ATG3: variants seen among roughly 807,000 people sequenced by gnomAD.
ATG3 encodes ubiquitin-like-conjugating enzyme ATG3.
ATG3 carries 25 observed loss-of-function variants against 50.7 expected under a neutral mutation model. The observed-to-expected ratio is 0.49, with a 90% CI of 0.36 to 0.69. ATG3 has a LOEUF of 0.69. Ranked by LOEUF, ATG3 falls within the 30% of genes least tolerant of loss-of-function variation. The pLI is 0.00. For missense variants in ATG3, 281 were observed against 376.0 expected, an observed-to-expected ratio of 0.75 and a Z score of 2.09; for synonymous variants, 119 against 125.5, an observed-to-expected ratio of 0.95 and a Z score of 0.34.
rs1408630871 is a variant in ATG3, at chr3:112,532,778, T to A, written c.866A>T (p.Tyr289Phe). The A allele has an allele frequency of 3.2e-6, 5 of 1,587,182 alleles. No individual in the cohort carries two copies. The highest frequency in any genetic ancestry group is 3.4e-6 in the Non-Finnish European group (4 of 1,167,626). The change falls in exon 12 of 12, where the codon TAT (tyrosine) becomes TTT (phenylalanine). Residue 289 changes from tyrosine (Y) to phenylalanine (F), a missense_variant and splice_region_variant. By Grantham distance (22) the Tyr-to-Phe change is conservative. Transcript: ENST00000283290. ...TACAAATTTCAAGAAAATAAGAAGA[T>A]ACCTAAAGGTTTTTAGCTAAGGAAA... Reference protein sequence around the residue: ...EGGGELGVHMYLLIFLKFVQA... With the variant: ...EGGGELGVHMFLLIFLKFVQA...
At chr3:112,537,503 A>AAT (rs71631399) in intron 9 of ATG3, 19,119 of 329,964 alleles carry the variant, frequency 0.058, 699 homozygotes, top group Admixed American at 0.12. Context: ...TCAAAAAAGG[A>AAT]ATATGTAATA....
Position 112,541,889 on chromosome 3 carries a change from G to C in ATG3, c.394-5C>G. ...ATCTTGAAGCCTTATATTGTCCTTT[G>C]AAATTAATTATATTTAAAATCACTT... On this transcript the variant is annotated splice_region_variant and splice_polypyrimidine_tract_variant and intron_variant, in intron 6 of 11. Transcript: ENST00000283290. 1 of 1,601,242 alleles carries C rather than the reference G, an allele frequency of 6.2e-7. No homozygotes were observed. Among genetic ancestry groups the C allele is most frequent in the Non-Finnish European group, 8.5e-7 (1 of 1,171,736 alleles).
chr3:112,539,292 T>C (rs1274755491), intron 7 of ATG3, among the ~76,000 whole-genome samples: 3 of 152,170 alleles, frequency 2.0e-5, no homozygotes, highest in African/African-American at 7.2e-5. Flanking sequence ...CAAGACCTTA[T>C]AGAATCTGGT....
chr3:112,545,425 T>C (rs1933345052), intron 5 of ATG3, among the ~76,000 whole-genome samples: 1 of 152,224 alleles, frequency 6.6e-6, no homozygotes, highest in Admixed American at 6.5e-5. Flanking sequence ...AGAAAAAACC[T>C]AAGTACAGAA....
intron 5 of ATG3, among the ~76,000 whole-genome samples, chr3:112,546,447 T>G (rs1933372357): frequency 6.6e-6 from 1 of 152,220 alleles, no homozygotes; most frequent in Non-Finnish European, 1.5e-5. Context: ...ATCATGCTAC[T>G]CCCAACAGTG....
chr3:112,537,063 G>C (rs2933134), intron 9 of ATG3, among the ~76,000 whole-genome samples: 24,024 of 150,200 alleles, frequency 0.16, 4,475 homozygotes, highest in African/African-American at 0.45. Flanking sequence ...AGACTGTTTA[G>C]AATGATTTCT....
At chr3:112,539,821 G>T (rs962960186) in intron 7 of ATG3, among the ~76,000 whole-genome samples, 1 of 151,958 alleles carries the variant, frequency 6.6e-6, no homozygotes, top group African/African-American at 2.4e-5. Flanking sequence ...CTCTATCTAG[G>T]GGGAATATAA....
At chr3:112,559,967 T>C (rs1001877641) in intron 1 of ATG3, among the ~76,000 whole-genome samples, 15 of 152,248 alleles carry the variant, frequency 9.9e-5, no homozygotes, top group African/African-American at 3.6e-4. Context: ...GTAAGGATTC[T>C]CTCTGTAAAC....
At chr3:112,558,587 T>A (rs1276669080) in intron 1 of ATG3, among the ~76,000 whole-genome samples, 170 bp from the exon 2 acceptor site, 2 of 152,178 alleles carry the variant, frequency 1.3e-5, no homozygotes, top group African/African-American at 4.8e-5. Context: ...TCTACCTACC[T>A]CATTGGTATC....
rs1056975800 is a variant in ATG3, at chr3:112,536,731, C to T, written c.667-129G>A. ...GGTCAGGAGATCGAGACCATCCTGG[C>T]TAACATGGTGAAACACCGTCTCTAC... On this transcript the variant is annotated intron_variant, in intron 9 of 11. Transcript: ENST00000283290. The T allele has an allele frequency of 1.7e-5, 16 of 918,594 alleles. No individual in the cohort carries two copies. In the Admixed American group the frequency reaches 4.3e-4, roughly 24 times the overall value. 56.9% of individuals were successfully genotyped at this position (918,594 alleles called of 1,614,324 possible).
At position 112,536,474 on chromosome 3, in the gene ATG3, C is replaced by T. The variant is rs1364932530; in HGVS notation, c.794+1G>A. 2 of 1,612,828 alleles carry T rather than the reference C, an allele frequency of 1.2e-6. No individual in the cohort carries two copies. Among genetic ancestry groups the T allele is most frequent in the African/African-American group, 1.3e-5 (1 of 74,828 alleles). On this transcript the variant is annotated splice_donor_variant, in intron 10 of 11. Transcript: ENST00000283290. LOFTEE classifies it high-confidence loss of function. The stretch of plus-strand genomic sequence containing the variant: ...ATATATTTATCTCTACATATACAGA[C>T]CTGCATGGGTGAACTGAACACATGG...
Position 112,548,080 on chromosome 3 carries a change from G to A in ATG3, c.343+453C>T, listed in dbSNP as rs542580246. Among the ~76,000 whole-genome samples the A allele has an allele frequency of 1.7e-3, 262 of 152,282 alleles. 3 individuals carry two copies. Among genetic ancestry groups the A allele is most frequent in the African/African-American group, 6.0e-3 (248 of 41,556 alleles). On this transcript the variant is annotated intron_variant, in intron 5 of 11. Coordinates refer to ENST00000283290, the MANE Select transcript of ATG3 (RefSeq NM_022488.5). The stretch of plus-strand genomic sequence containing the variant: ...GAAATTTGGCATACTCTGGCCGGGC[G>A]CAGTGGCTCATGCCTGTAATCCTAG...
intron 1 of ATG3, 83 bp downstream of exon 1, chr3:112,561,374 G>A: frequency 1.4e-6 from 2 of 1,433,336 alleles, no homozygotes; most frequent in South Asian, 1.2e-5. Flanking sequence ...CCCCGCCGGA[G>A]AAAGCGGGGA....
In ATG3 at chr3:112,561,642, G is replaced by A; in HGVS notation, c.-114C>T. The A allele has an allele frequency of 3.6e-6, 4 of 1,105,758 alleles. No individual in the cohort carries two copies. In the South Asian group the frequency reaches 4.2e-5, roughly 12 times the overall value. The allele number at this position is 1,105,758 out of a possible 1,614,324, so 68.5% of individuals were successfully genotyped here. A position where few individuals can be genotyped will look rare whatever the true frequency, so the allele number is the denominator to read the frequency against. Reference sequence around the variant, plus strand: ...CACCGACTCGCATCAGCACCCGGCTGGCAGCACCCGAGGGGACGGGACGCG... The same window carrying A: ...CACCGACTCGCATCAGCACCCGGCTAGCAGCACCCGAGGGGACGGGACGCG... On this transcript the variant is annotated 5_prime_UTR_variant, in exon 1 of 12. Coordinates refer to ENST00000283290, the MANE Select transcript of ATG3 (RefSeq NM_022488.5).
At chr3:112,539,280 G>A (rs778753221) in intron 7 of ATG3, among the ~76,000 whole-genome samples, 5 of 152,092 alleles carry the variant, frequency 3.3e-5, no homozygotes, top group Non-Finnish European at 7.4e-5. Flanking sequence ...TCTGAGTAAT[G>A]TCAAGACCTT....
At chr3:112,549,801 A>C (rs58082939) in intron 4 of ATG3, among the ~76,000 whole-genome samples, 23,676 of 134,992 alleles carry the variant, frequency 0.18, 4,438 homozygotes, top group African/African-American at 0.49. Context: ...AAACAACCAA[A>C]AAAAAAAAAA....
At chr3:112,543,029 T>C (rs1322510482) in intron 6 of ATG3, among the ~76,000 whole-genome samples, 1 of 151,764 alleles carries the variant, frequency 6.6e-6, no homozygotes, top group East Asian at 1.9e-4. Flanking sequence ...TCTTAAAGCA[T>C]AAAACTGTAA....
intron 5 of ATG3, among the ~76,000 whole-genome samples, chr3:112,547,689 T>A (rs928246310): frequency 1.6e-4 from 24 of 152,236 alleles, no homozygotes; most frequent in African/African-American, 5.8e-4. Flanking sequence ...TGCATTCAAC[T>A]CATTTAACAA....
At chr3:112,560,041 T>C (rs911955838) in intron 1 of ATG3, among the ~76,000 whole-genome samples, 4 of 152,206 alleles carry the variant, frequency 2.6e-5, no homozygotes, top group African/African-American at 9.6e-5. Flanking sequence ...TAAAGACATA[T>C]ACCATACATA....
Sources: gnomAD v4.1 joint callset for allele counts (sites outside exome capture counted in the v4.1 genomes callset) on GRCh38, gnomAD v4.1.1 for gene constraint, MANE v1.5 for transcripts, NCBI Gene and HGNC (gene_info 2026-07-23, HGNC 2026-07-21) for gene names.